Variants in SHTN1 observed in about 807,000 individuals in gnomAD.
SHTN1 encodes the protein shootin 1.
Under a neutral mutation model 83.1 loss-of-function variants are expected in SHTN1, and 42 were observed. The ratio of observed to expected loss-of-function variants is 0.51; its 90% confidence interval spans 0.39 to 0.65. The LOEUF (loss-of-function observed/expected upper bound fraction) is 0.65, where lower values mean the gene tolerates loss of function less well. SHTN1 is among the 30% of genes least tolerant of loss of function. The pLI, the probability that SHTN1 is intolerant of heterozygous loss-of-function variation, is 0.00. For synonymous variants in SHTN1, 224 were observed against 247.7 expected (o/e 0.90, Z 0.90); for missense variants, 622 against 737.8 (o/e 0.84, Z 1.82).
intron 1 of SHTN1, among the ~76,000 whole-genome samples, chr10:117,053,555 C>T (rs188769830): frequency 1.3e-5 from 2 of 152,230 alleles, no homozygotes; most frequent in East Asian, 3.9e-4. Flanking sequence ...AATAAAACTA[C>T]AATGAGATAC....
At chr10:117,007,484 T>C (rs1329124391), upstream of SHTN1, among the ~76,000 whole-genome samples, 1 of 145,666 alleles carries the variant, frequency 6.9e-6, no homozygotes, top group Non-Finnish European at 1.5e-5. Context: ...CTCCTTAAAA[T>C]TAGAAAAGGC....
intron 16 of SHTN1, chr10:116,900,543 G>A: frequency 6.5e-7 from 1 of 1,534,000 alleles, no homozygotes; most frequent in Non-Finnish European, 8.7e-7. Context: ...CAGATTATCT[G>A]TGTAAAATGG....
intron 2 of SHTN1, among the ~76,000 whole-genome samples, chr10:117,014,320 G>A (rs1182452204): frequency 2.6e-5 from 4 of 152,118 alleles, no homozygotes; most frequent in Admixed American, 2.6e-4. Context: ...AGCCAAGATA[G>A]GGAAATCCCA....
At chr10:116,928,768 T>C (rs957645179) in intron 10 of SHTN1, among the ~76,000 whole-genome samples, 1 of 152,230 alleles carries the variant, frequency 6.6e-6, no homozygotes, top group African/African-American at 2.4e-5. Flanking sequence ...AGTCTTTTTA[T>C]GTGCATGCAC....
rs538038568 is a variant in SHTN1 at position 117,086,023 on chromosome 10, C to T, written c.-188-37513G>A. On this transcript the variant is annotated intron_variant, in intron 1 of 17. Transcript: ENST00000392901. ...TCAACCTCCACCTCCCGGGTTCAAG[C>T]GATTCTCCTGCCTCAGCCTCCTGAG... Among the ~76,000 whole-genome samples the T allele has an allele frequency of 8.0e-5, 12 of 149,486 alleles. No individual in the cohort carries two copies. The East Asian group carries it at 1.6e-3, about 20-fold the overall frequency.
At chr10:117,033,357 G>A (rs190878397) in intron 2 of SHTN1, among the ~76,000 whole-genome samples, 2 of 152,142 alleles carry the variant, frequency 1.3e-5, no homozygotes, top group African/African-American at 4.8e-5. Flanking sequence ...CATTACAACT[G>A]ATACTGCAGA....
intron 1 of SHTN1, among the ~76,000 whole-genome samples, chr10:117,116,808 C>T (rs1177399940): frequency 6.6e-6 from 1 of 152,052 alleles, no homozygotes; most frequent in Non-Finnish European, 1.5e-5. Context: ...AAGAACAAAA[C>T]CATATGATTA....
chr10:116,938,797 G>C (rs1849261190), intron 9 of SHTN1, among the ~76,000 whole-genome samples: 1 of 152,242 alleles, frequency 6.6e-6, no homozygotes, highest in Non-Finnish European at 1.5e-5. Flanking sequence ...TCTGTCCCAG[G>C]GAGATGGGAG....
chr10:117,087,969 G>A (rs771488705), intron 1 of SHTN1, among the ~76,000 whole-genome samples: 1 of 152,116 alleles, frequency 6.6e-6, no homozygotes, highest in Non-Finnish European at 1.5e-5. Flanking sequence ...CAGGTATGGT[G>A]GCATGCACCT....
chr10:116,928,031 A>G, intron 10 of SHTN1, 140 bp from the exon 11 acceptor site: 1 of 913,496 alleles, frequency 1.1e-6, no homozygotes, highest in Non-Finnish European at 1.7e-6. Flanking sequence ...ATATGAAATT[A>G]CAGACCTTTT....
intron 1 of SHTN1, among the ~76,000 whole-genome samples, chr10:117,064,231 A>G (rs1218315325): frequency 5.3e-5 from 8 of 152,188 alleles, no homozygotes; most frequent in South Asian, 2.1e-4. Context: ...GTGGCTACCA[A>G]TTGGGCACTG....
intron 16 of SHTN1, among the ~76,000 whole-genome samples, chr10:116,898,190 T>C (rs943517259): frequency 5.3e-5 from 8 of 152,040 alleles, no homozygotes; most frequent in Non-Finnish European, 1.0e-4. Flanking sequence ...TAGCTGGGCA[T>C]GGTGGCAGGC....
chr10:117,038,851 G>A (rs1022924907), intron 2 of SHTN1, among the ~76,000 whole-genome samples: 2 of 152,222 alleles, frequency 1.3e-5, no homozygotes, highest in Admixed American at 6.5e-5. Context: ...ACCAAATGCT[G>A]ATGAGGATGT....
At chr10:116,988,551 T>G (rs1362717217) in intron 1 of SHTN1, among the ~76,000 whole-genome samples, 2 of 150,296 alleles carry the variant, frequency 1.3e-5, no homozygotes, top group East Asian at 3.9e-4. Flanking sequence ...ATTTATTTAT[T>G]TATTTTATTA....
chr10:117,047,609 G>A (rs973534393), intron 2 of SHTN1, among the ~76,000 whole-genome samples: 6 of 152,066 alleles, frequency 3.9e-5, no homozygotes, highest in Non-Finnish European at 8.8e-5. Flanking sequence ...AGCAGGCAAT[G>A]ATTAACTCTC....
intron 1 of SHTN1, among the ~76,000 whole-genome samples, chr10:117,114,171 T>C (rs1853810051): frequency 6.6e-6 from 1 of 152,226 alleles, no homozygotes; most frequent in African/African-American, 2.4e-5. Flanking sequence ...ATCATGCCAC[T>C]GTACTCCAGT....
chr10:116,964,098 T>C (rs1310373841), intron 3 of SHTN1, among the ~76,000 whole-genome samples: 1 of 152,142 alleles, frequency 6.6e-6, no homozygotes, highest in African/African-American at 2.4e-5. Context: ...GTGCTCGTGT[T>C]AGTGTCTATT....
At chr10:116,995,152 C>A (rs1851583614) in intron 1 of SHTN1, among the ~76,000 whole-genome samples, 1 of 152,068 alleles carries the variant, frequency 6.6e-6, no homozygotes, top group African/African-American at 2.4e-5. Flanking sequence ...TCACATTTAT[C>A]ATAACTGCTT....
At chr10:117,042,913 G>C (rs767546369) in intron 2 of SHTN1, among the ~76,000 whole-genome samples, 2 of 151,992 alleles carry the variant, frequency 1.3e-5, no homozygotes, top group African/African-American at 2.4e-5. Flanking sequence ...ATTGCTCCCG[G>C]CCCTTTTTCT....
Sources: allele counts gnomAD v4.1 joint callset (sites outside exome capture counted in the v4.1 genomes callset), GRCh38; gene constraint gnomAD v4.1.1; transcripts MANE v1.5; gene names NCBI Gene and HGNC (gene_info 2026-07-23, HGNC 2026-07-21).